ZNF232: variants seen among roughly 807,000 people sequenced by gnomAD.
ZNF232 encodes zinc finger protein 232.
A neutral mutation model predicts 25.2 loss-of-function variants in ZNF232; 25 were observed. That is an observed-to-expected ratio of 0.99 (90% CI 0.72 to 1.39). ZNF232 has a LOEUF of 1.39. Among genes scored for constraint, ZNF232 ranks in the 40% most tolerant of loss-of-function variants. The pLI is 0.00. For missense variants in ZNF232, 519 were observed against 520.9 expected (o/e 1.00, Z 0.04); for synonymous variants, 193 against 182.9 (o/e 1.06, Z -0.45).
chr17:5,110,593 TGAA>T (rs958149587), intron 1 of ZNF232, among the ~76,000 whole-genome samples: 4 of 152,194 alleles, frequency 2.6e-5, no homozygotes, highest in African/African-American at 9.6e-5. Flanking sequence ...CAAAAATTTC[TGAA>T]GTAGTAGCTA....
At chr17:5,105,791 A>G in exon 4 of ZNF232, 1 of 1,518,344 alleles carries the variant, frequency 6.6e-7, no homozygotes, top group East Asian at 2.3e-5. Context: ...AGACCGATGT[A>G]GAATTCTGTC....
At chr17:5,111,975 G>T (rs898970123), upstream of ZNF232, 2 of 1,110,432 alleles carry the variant, frequency 1.8e-6, no homozygotes, top group Non-Finnish European at 2.5e-6. Flanking sequence ...GGGCGCTGCC[G>T]AGAGGCTGGG....
At chr17:5,109,612 G>C (rs544793727) in exon 2 of ZNF232, 9 of 1,614,184 alleles carry the variant, frequency 5.6e-6, no homozygotes, top group Non-Finnish European at 7.6e-6. Context: ...AAGGCCTCCC[G>C]GGGACCAGGA....
intron 1 of ZNF232, chr17:5,121,455 T>G (rs981291564): frequency 1.1e-5 from 3 of 281,388 alleles, no homozygotes; most frequent in African/African-American, 6.6e-5. Flanking sequence ...GCTCTACATC[T>G]CTGTGCAGAA....
At chr17:5,109,022 C>T in exon 3 of ZNF232, 1 of 1,614,130 alleles carries the variant, frequency 6.2e-7, no homozygotes, top group Non-Finnish European at 8.5e-7. Flanking sequence ...CATGGCTCTT[C>T]CTGTGCAGGT....
At chr17:5,120,493 AG>A in intron 1 of ZNF232, 1 of 320,142 alleles carries the variant, frequency 3.1e-6, no homozygotes, top group Non-Finnish European at 6.1e-6. Flanking sequence ...CAGGGTGAGG[AG>A]CTGTTGGCCT....
chr17:5,117,176 C>T (rs1359895825), intron 1 of ZNF232, among the ~76,000 whole-genome samples: 2 of 152,162 alleles, frequency 1.3e-5, no homozygotes, highest in African/African-American at 4.8e-5. Context: ...GAGACTTGTC[C>T]ATTTATGCTC....
chr17:5,122,391 A>C (rs2072705693), intron 1 of ZNF232, among the ~76,000 whole-genome samples: 1 of 152,158 alleles, frequency 6.6e-6, no homozygotes, highest in Non-Finnish European at 1.5e-5. Context: ...GCAGGTGGGA[A>C]GGGTGATCAG....
intron 1 of ZNF232, among the ~76,000 whole-genome samples, chr17:5,118,788 ATCT>A (rs1253831298): frequency 2.0e-5 from 3 of 152,202 alleles, no homozygotes; most frequent in Admixed American, 6.5e-5. Context: ...AGGGCAGGTC[ATCT>A]TCTCCCCAAA....
In ZNF232 at chr17:5,111,776, G is replaced by A. The variant is rs2072418949; in HGVS notation, c.23+24C>T. The A allele has an allele frequency of 1.9e-6, 3 of 1,613,542 alleles. No individual in the cohort carries two copies. In the African/African-American group the frequency reaches 4.0e-5, roughly 22 times the overall value. ...AAAGCCAAGCCGCCAGGTGGACCTC[G>A]GGGAAGCCGCCGCCAACACTCACCT... is the stretch of plus-strand genomic sequence containing the variant. On this transcript the variant is annotated intron_variant, in intron 1 of 3. Transcript: ENST00000575898.
At chr17:5,107,768 C>A (rs1439437291) in intron 3 of ZNF232, among the ~76,000 whole-genome samples, 1 of 152,100 alleles carries the variant, frequency 6.6e-6, no homozygotes, top group Admixed American at 6.5e-5. Context: ...ACTCCTGACC[C>A]AAGTGATCCA....
At chr17:5,117,669 A>G (rs1344234467) in intron 1 of ZNF232, among the ~76,000 whole-genome samples, 1 of 152,180 alleles carries the variant, frequency 6.6e-6, no homozygotes, top group African/African-American at 2.4e-5. Context: ...TGGCACTATC[A>G]GATTTGTTCT....
chr17:5,115,596 G>A (rs905515317), upstream of ZNF232, among the ~76,000 whole-genome samples: 8 of 132,022 alleles, frequency 6.1e-5, no homozygotes, highest in Non-Finnish European at 9.4e-5. Flanking sequence ...ACGGAACAGA[G>A]GCAGTTCTGT....
upstream of ZNF232, chr17:5,113,484 T>G (rs2072464794): frequency 6.6e-6 from 1 of 152,278 alleles, no homozygotes; most frequent in Non-Finnish European, 1.5e-5. Context: ...CATTATACTT[T>G]TAAATCCTAC....
chr17:5,119,676 A>G (rs564149570), intron 1 of ZNF232, among the ~76,000 whole-genome samples: 54 of 152,336 alleles, frequency 3.5e-4, no homozygotes, highest in African/African-American at 1.3e-3. Context: ...TTAACTAACT[A>G]ATGAGTAACT....
chr17:5,119,940 T>C (rs2072614818), intron 1 of ZNF232, among the ~76,000 whole-genome samples: 1 of 152,218 alleles, frequency 6.6e-6, no homozygotes, highest in South Asian at 2.1e-4. Flanking sequence ...CCCACCTCTC[T>C]GCCCCCTCTC....
chr17:5,110,524 A>G (rs949424269), intron 1 of ZNF232, among the ~76,000 whole-genome samples: 1 of 152,244 alleles, frequency 6.6e-6, no homozygotes, highest in Non-Finnish European at 1.5e-5. Flanking sequence ...AGCAGCTTTC[A>G]GTGCAAGGTG....
intron 1 of ZNF232, among the ~76,000 whole-genome samples, chr17:5,110,467 TA>T (rs2072375938): frequency 6.6e-6 from 1 of 151,978 alleles, no homozygotes; most frequent in Non-Finnish European, 1.5e-5. Context: ...TTGGAAGAAA[TA>T]AGTTTGAAGC....
chr17:5,109,352 C>T (rs781698718), intron 2 of ZNF232, 42 bp downstream of exon 2: 9 of 1,611,234 alleles, frequency 5.6e-6, no homozygotes, highest in Non-Finnish European at 6.8e-6. Flanking sequence ...GCCTGAAGGT[C>T]ATCAATCTGG....
Sources: allele counts gnomAD v4.1 joint callset (sites outside exome capture counted in the v4.1 genomes callset), GRCh38; gene constraint gnomAD v4.1.1; transcripts MANE v1.5; gene names NCBI Gene and HGNC (gene_info 2026-07-23, HGNC 2026-07-21).